HSPA12A: variants seen among roughly 807,000 people sequenced by gnomAD.
HSPA12A encodes heat shock 70 kDa protein 12A.
Under a neutral mutation model 69.2 loss-of-function variants are expected in HSPA12A, and 28 were observed. That is an observed-to-expected ratio of 0.40 (90% CI 0.30 to 0.55). The LOEUF is 0.55. Ranked by LOEUF, HSPA12A falls within the 20% of genes least tolerant of loss-of-function variation. HSPA12A has a pLI of 0.38. For missense variants in HSPA12A, 686 were observed against 900.7 expected, an observed-to-expected ratio of 0.76 and a Z score of 3.05; for synonymous variants, 345 against 370.5, an observed-to-expected ratio of 0.93 and a Z score of 0.79.
At chr10:116,684,441 C>A (rs1849517174) in intron 6 of HSPA12A, among the ~76,000 whole-genome samples, 1 of 152,132 alleles carries the variant, frequency 6.6e-6, no homozygotes, top group East Asian at 1.9e-4. Context: ...TCGGAGCAAA[C>A]CCCTATCTTT....
At chr10:116,702,484 A>C (rs192028001) in intron 3 of HSPA12A, among the ~76,000 whole-genome samples, 2 of 152,276 alleles carry the variant, frequency 1.3e-5, no homozygotes, top group East Asian at 3.9e-4. Flanking sequence ...GCCTCCACTG[A>C]TATTTGCTGC....
intron 2 of HSPA12A, among the ~76,000 whole-genome samples, chr10:116,762,539 A>C (rs1187312492): frequency 2.0e-5 from 3 of 151,452 alleles, no homozygotes; most frequent in African/African-American, 7.3e-5. Context: ...TGCCTGGAAA[A>C]CCCACTCTGG....
At chr10:116,736,323 T>C (rs1304199035) in intron 1 of HSPA12A, among the ~76,000 whole-genome samples, 1 of 152,088 alleles carries the variant, frequency 6.6e-6, no homozygotes, top group African/African-American at 2.4e-5. Context: ...CCTGACCTAA[T>C]GTACAACACG....
rs571060283 is a variant in HSPA12A, at chr10:116,713,242, T to C, written c.41-5957A>G. On this transcript the variant is annotated intron_variant, in intron 1 of 11. Coordinates refer to ENST00000369209, the MANE Select transcript of HSPA12A (RefSeq NM_025015.3). ...ATTACCCTATAACAGGCTTCATGGC[T>C]AGCTGAACTAATGCATTATTACTGT... 3.9e-5 allele frequency among the ~76,000 whole-genome samples: 6 copies of C among 152,092 alleles called. No individual in the cohort carries two copies. The East Asian group carries it at 7.8e-4, about 20-fold the overall frequency.
At chr10:116,769,831 C>G (rs2133114622) in intron 2 of HSPA12A, among the ~76,000 whole-genome samples, 1 of 152,270 alleles carries the variant, frequency 6.6e-6, no homozygotes. Context: ...GTTGGGTTTC[C>G]ATAGTTGCTT....
At chr10:116,800,612 AC>A (rs1210005474) in intron 2 of HSPA12A, among the ~76,000 whole-genome samples, 16 of 152,278 alleles carry the variant, frequency 1.1e-4, no homozygotes, top group African/African-American at 3.1e-4. Flanking sequence ...GCCAGTAGAT[AC>A]CACGAAACTC....
intron 2 of HSPA12A, among the ~76,000 whole-genome samples, chr10:116,777,160 C>T (rs782282821): frequency 1.2e-4 from 19 of 152,194 alleles, no homozygotes; most frequent in Admixed American, 2.6e-4. Flanking sequence ...GCCTCGTCAA[C>T]ACCCGGGTGT....
intron 2 of HSPA12A, among the ~76,000 whole-genome samples, chr10:116,789,962 C>T (rs540500761): frequency 2.9e-4 from 44 of 152,246 alleles, no homozygotes; most frequent in Middle Eastern, 3.4e-3. Flanking sequence ...ATTCCCTCCA[C>T]AGCAGCCAGT....
In HSPA12A at chr10:116,674,871, C is replaced by T. The variant is rs782109095; in HGVS notation, c.1938G>A (p.Met646Ile). 2.5e-6 allele frequency: 4 copies of T among 1,613,724 alleles called. No homozygotes were observed. The South Asian group carries it at 3.3e-5, about 13-fold the overall frequency. ...VPARREIQTL[M>I]QFGDTEIKAT... Reference sequence around the variant, plus strand: ...CTTTGATCTCGGTGTCCCCGAACTGCATAAGGGTCTGGATCTCCCTCCGGG... The same window carrying T: ...CTTTGATCTCGGTGTCCCCGAACTGTATAAGGGTCTGGATCTCCCTCCGGG... The change falls in exon 12 of 12, where the codon ATG (methionine) becomes ATA (isoleucine). Residue 646 changes from methionine (M) to isoleucine (I), a missense_variant. Coordinates refer to ENST00000369209, the MANE Select transcript of HSPA12A (RefSeq NM_025015.3).
chr10:116,691,841 C>T (rs1564780480), intron 6 of HSPA12A, among the ~76,000 whole-genome samples: 1 of 152,262 alleles, frequency 6.6e-6, no homozygotes, highest in Non-Finnish European at 1.5e-5. Context: ...CACCCCCCCG[C>T]TGAGTGAAGT....
intron 6 of HSPA12A, among the ~76,000 whole-genome samples, chr10:116,684,412 A>G (rs1272413028): frequency 6.6e-6 from 1 of 152,088 alleles, no homozygotes; most frequent in Non-Finnish European, 1.5e-5. Flanking sequence ...GTTGTAATAT[A>G]CCACACGGTC....
intron 3 of HSPA12A, among the ~76,000 whole-genome samples, chr10:116,702,452 T>C (rs1850109016): frequency 6.6e-6 from 1 of 152,180 alleles, no homozygotes; most frequent in Admixed American, 6.5e-5. Context: ...AGTAGGACCA[T>C]CTCAGTCCAG....
intron 10 of HSPA12A, 106 bp from the exon 11 acceptor site, chr10:116,676,608 A>G: frequency 5.6e-6 from 5 of 892,162 alleles, no homozygotes; most frequent in Non-Finnish European, 7.1e-6. Flanking sequence ...ACTTCTTAGC[A>G]GGCAGAAAGG....
chr10:116,795,123 A>G (rs1054310603), intron 2 of HSPA12A, among the ~76,000 whole-genome samples: 11 of 152,196 alleles, frequency 7.2e-5, no homozygotes, highest in Non-Finnish European at 1.6e-4. Flanking sequence ...TTCTGTAACC[A>G]GGTCTCTACA....
chr10:116,771,028 G>A (rs1554890425), intron 2 of HSPA12A, among the ~76,000 whole-genome samples: 1 of 151,512 alleles, frequency 6.6e-6, no homozygotes, highest in Non-Finnish European at 1.5e-5. Context: ...GGAGGGGGCA[G>A]TGGACTGCAG....
chr10:116,774,603 T>C (rs1844291402), intron 2 of HSPA12A, among the ~76,000 whole-genome samples: 1 of 152,210 alleles, frequency 6.6e-6, no homozygotes, highest in African/African-American at 2.4e-5. Context: ...GTGGCTCTGC[T>C]AGAGGACTGG....
chr10:116,824,009 G>A (rs1845454551), intron 2 of HSPA12A, among the ~76,000 whole-genome samples: 1 of 152,106 alleles, frequency 6.6e-6, no homozygotes, highest in Admixed American at 6.6e-5. Context: ...TAATACATCT[G>A]ATAAGGGAGT....
chr10:116,811,327 C>T (rs959835598), intron 2 of HSPA12A, among the ~76,000 whole-genome samples: 1 of 152,126 alleles, frequency 6.6e-6, no homozygotes, highest in African/African-American at 2.4e-5. Context: ...TCAAGGGCTT[C>T]ACATCCAATT....
chr10:116,800,542 C>A (rs536684967), intron 2 of HSPA12A, among the ~76,000 whole-genome samples: 1 of 152,206 alleles, frequency 6.6e-6, no homozygotes, highest in Non-Finnish European at 1.5e-5. Context: ...AGGAGCTACC[C>A]GGCAAGCTTT....
Sources: allele counts gnomAD v4.1 joint callset (sites outside exome capture counted in the v4.1 genomes callset), GRCh38; gene constraint gnomAD v4.1.1; transcripts MANE v1.5; gene names NCBI Gene and HGNC (gene_info 2026-07-23, HGNC 2026-07-21).